DENND4A: variants seen among roughly 807,000 people sequenced by gnomAD.
DENND4A encodes the protein DENN domain containing 4A.
A neutral mutation model predicts 199.3 loss-of-function variants in DENND4A; 70 were observed. The ratio of observed to expected loss-of-function variants is 0.35; its 90% CI spans 0.29 to 0.43. The LOEUF (loss-of-function observed/expected upper bound fraction) is 0.43. Among genes scored for constraint, DENND4A ranks in the 20% least tolerant of loss-of-function variants. The pLI, the probability that DENND4A is intolerant of heterozygous loss-of-function variation, is 1.00. For synonymous variants in DENND4A, 686 were observed against 766.9 expected, an observed-to-expected ratio of 0.89 and a Z score of 1.74; for missense variants, 1,723 against 2,255.8, an observed-to-expected ratio of 0.76 and a Z score of 4.78.
intron 1 of DENND4A, among the ~76,000 whole-genome samples, chr15:65,772,989 T>C (rs1330380684): frequency 8.1e-6 from 1 of 123,948 alleles, no homozygotes; most frequent in Non-Finnish European, 1.6e-5. Flanking sequence ...AATCAATTTC[T>C]ATTGTTTCTA....
chr15:65,757,213 C>T (rs531406191), intron 2 of DENND4A, among the ~76,000 whole-genome samples: 119 of 150,116 alleles, frequency 7.9e-4, no homozygotes, highest in African/African-American at 2.8e-3. Context: ...TACTGATCTC[C>T]TCAATAATCA....
intron 11 of DENND4A, chr15:65,727,730 T>C (rs2075843628): frequency 4.5e-6 from 1 of 220,506 alleles, no homozygotes; most frequent in Non-Finnish European, 9.2e-6. Flanking sequence ...AAACATGTCC[T>C]GTGGGTGCAA....
At position 65,706,083 on chromosome 15, in the gene DENND4A, T is replaced by G. The variant is rs747684437; in HGVS notation, c.2087+8A>C. The G allele has an allele frequency of 1.4e-5, 22 of 1,556,786 alleles. No homozygotes were observed. The highest frequency in any genetic ancestry group is 1.4e-4 in the African/African-American group (10 of 72,308). Reference sequence around the variant, plus strand: ...CTTTCAATCTCAAACATTCTGCCTCTTGAATACCTGTACTGTAAAGGGGGT... The same window carrying G: ...CTTTCAATCTCAAACATTCTGCCTCGTGAATACCTGTACTGTAAAGGGGGT... On this transcript the variant is annotated splice_region_variant and intron_variant, in intron 15 of 32. Coordinates refer to ENST00000443035, the MANE Select transcript of DENND4A (RefSeq NM_001320835.1).
At chr15:65,706,508 A>AT (rs1555422315) in intron 14 of DENND4A, among the ~76,000 whole-genome samples, 22,414 of 136,022 alleles carry the variant, frequency 0.16, 2,790 homozygotes, top group East Asian at 0.67. Flanking sequence ...ATATATATAT[A>AT]TTTTTTTTTG....
chr15:65,694,034 G>T (rs2077059221), intron 22 of DENND4A, among the ~76,000 whole-genome samples: 1 of 151,880 alleles, frequency 6.6e-6, no homozygotes, highest in African/African-American at 2.4e-5. Context: ...GGTAGCTAAG[G>T]ATAAAAAGTA....
Position 65,664,619 on chromosome 15 carries a change from A to G in DENND4A, c.5463T>C (p.Tyr1821=), listed in dbSNP as rs1293531068. The part of the protein sequence containing the change: ...MVKSIKMNDV[Y]GPMSQILETL... ...TCTCTAAAATCTGACTCATTGGTCC[A>G]TAGACATCATTCATTTTAATGCTTT... The change falls in exon 31 of 33, where the codon TAT becomes TAC. Residue 1821 remains tyrosine (Y), a synonymous_variant. Coordinates refer to ENST00000443035, the MANE Select transcript of DENND4A (RefSeq NM_001320835.1). 6.2e-7 allele frequency: 1 copy of G among 1,613,116 alleles called. No homozygotes were observed. The highest frequency in any genetic ancestry group is 1.1e-5 in the South Asian group (1 of 91,054).
chr15:65,756,498 C>T lies in DENND4A; in HGVS notation c.-22-26G>A, dbSNP rs73471684. 1.4e-3 allele frequency: 2,075 copies of T among 1,511,252 alleles called. 27 individuals carry two copies. In the African/African-American group the frequency reaches 0.027, roughly 19 times the overall value. The allele number at this position is 1,511,252 out of a possible 1,614,324, so 93.6% of individuals were successfully genotyped here. A position where few individuals can be genotyped will look rare whatever the true frequency, so the allele number is the denominator to read the frequency against. ...CTAAAAGGAAAGTAAAAGACTAGTA[C>T]TCCCCTATAATAAGCAAAATAAATA... On this transcript the variant is annotated intron_variant, in intron 2 of 32. Transcript: ENST00000443035.
intron 4 of DENND4A, among the ~76,000 whole-genome samples, chr15:65,748,216 T>G (rs1452327859): frequency 6.6e-6 from 1 of 151,972 alleles, no homozygotes; most frequent in African/African-American, 2.4e-5. Flanking sequence ...AATAGGACAC[T>G]GTAAATATCT....
intron 8 of DENND4A, 66 bp from the exon 9 acceptor site, chr15:65,731,766 T>A (rs2140395684): frequency 9.3e-7 from 1 of 1,079,464 alleles, no homozygotes; most frequent in Non-Finnish European, 1.3e-6. Flanking sequence ...CACTTTCTGT[T>A]AAAAATATAT....
intron 23 of DENND4A, among the ~76,000 whole-genome samples, chr15:65,680,137 A>T (rs1043726319): frequency 4.6e-5 from 7 of 152,100 alleles, no homozygotes; most frequent in Admixed American, 3.9e-4. Context: ...CTTTTAATTT[A>T]ATTACCTGGC....
At chr15:65,779,786 A>T (rs1162426290) in intron 1 of DENND4A, among the ~76,000 whole-genome samples, 1 of 152,188 alleles carries the variant, frequency 6.6e-6, no homozygotes, top group Non-Finnish European at 1.5e-5. Flanking sequence ...AGTAGCTGGG[A>T]TTACAGGCAT....
At chr15:65,733,706 T>A (rs538072407) in intron 7 of DENND4A, among the ~76,000 whole-genome samples, 1 of 152,164 alleles carries the variant, frequency 6.6e-6, no homozygotes, top group Admixed American at 6.5e-5. Flanking sequence ...TAGAAAGAAG[T>A]AGACATAGGA....
chr15:65,683,395 C>T (rs1013518677), intron 23 of DENND4A, among the ~76,000 whole-genome samples: 5 of 152,004 alleles, frequency 3.3e-5, no homozygotes, highest in Non-Finnish European at 5.9e-5. Flanking sequence ...ATTTTTGCTC[C>T]ATGTTTATTA....
chr15:65,699,687 ATTTT>A, intron 20 of DENND4A, among the ~76,000 whole-genome samples: 1 of 146,312 alleles, frequency 6.8e-6, no homozygotes, highest in Middle Eastern at 3.6e-3. Flanking sequence ...ATATATATAA[ATTTT>A]TTTTTTGAGA....
Position 65,690,500 on chromosome 15 carries a change from T to C in DENND4A, c.4094A>G (p.Asn1365Ser). The C allele has an allele frequency of 6.2e-7, 1 of 1,613,284 alleles. No homozygotes were observed. The highest frequency in any genetic ancestry group is 1.1e-5 in the South Asian group (1 of 90,996). The stretch of plus-strand genomic sequence containing the variant: ...TCCTTTTCCAGCAGTGAACATACTG[T>C]TTCTTAGAACATCTAGTTTAGGTAC... ...LLVPKLDVLR[N>S]SMFTAGKGVA... The change falls in exon 23 of 33, where the codon AAC becomes AGC. Residue 1365 changes from asparagine to serine, a missense_variant. Asn to Ser is a conservative substitution (Grantham distance 46). Transcript: ENST00000443035.
intron 12 of DENND4A, among the ~76,000 whole-genome samples, chr15:65,718,266 T>C (rs1332616594): frequency 2.0e-5 from 3 of 152,134 alleles, no homozygotes; most frequent in African/African-American, 7.2e-5. Flanking sequence ...AGCTCATGCG[T>C]GCAATCCTAG....
chr15:65,773,248 T>C (rs2077189125), intron 1 of DENND4A, among the ~76,000 whole-genome samples: 1 of 152,222 alleles, frequency 6.6e-6, no homozygotes, highest in African/African-American at 2.4e-5. Flanking sequence ...CCTTTTCTTT[T>C]GGTTCAGCTA....
rs1259912870 is a variant in DENND4A at position 65,679,970 on chromosome 15, C to A, written c.4180-3336G>T. Among the ~76,000 whole-genome samples, 6 of 152,274 alleles carry A rather than the reference C, an allele frequency of 3.9e-5. No individual in the cohort carries two copies. In the East Asian group the frequency reaches 1.2e-3, roughly 29 times the overall value. ...AATGAAATTTTGGAATTACTTTTAA[C>A]CCTACTTTCTTTCTCATCTCAATGC... On this transcript the variant is annotated intron_variant, in intron 23 of 32. Coordinates refer to ENST00000443035, the MANE Select transcript of DENND4A (RefSeq NM_001320835.1).
chr15:65,710,835 G>A (rs2075228479), intron 14 of DENND4A, among the ~76,000 whole-genome samples: 1 of 152,160 alleles, frequency 6.6e-6, no homozygotes, highest in Non-Finnish European at 1.5e-5. Context: ...GTTCTCTCGA[G>A]ATCTGTTTTA....
Sources: allele counts gnomAD v4.1 joint callset (sites outside exome capture counted in the v4.1 genomes callset), GRCh38; gene constraint gnomAD v4.1.1; transcripts MANE v1.5; gene names NCBI Gene and HGNC (gene_info 2026-07-23, HGNC 2026-07-21).